The following ABL1 variants were observed in gnomAD, a reference collection of about 807,000 sequenced individuals.
ABL1 encodes the protein tyrosine-protein kinase ABL1.
ABL1 carries 11 observed loss-of-function variants against 94.7 expected under a neutral mutation model. The observed-to-expected ratio is 0.12, with a 90% CI of 0.07 to 0.19. ABL1 has a LOEUF of 0.19. ABL1 is among the 10% of genes least tolerant of loss of function. The pLI is 1.00. For synonymous variants in ABL1, 656 were observed against 622.4 expected (o/e 1.05, Z -0.80); for missense variants, 1,082 against 1,489.4 (o/e 0.73, Z 4.50).
intron 1 of ABL1, among the ~76,000 whole-genome samples, chr9:130,780,096 C>T (rs1008493777): frequency 6.6e-6 from 1 of 151,986 alleles, no homozygotes; most frequent in Admixed American, 6.6e-5. Flanking sequence ...CCAGCCTGGC[C>T]AAGATGGTGA....
intron 1 of ABL1, among the ~76,000 whole-genome samples, chr9:130,784,153 A>G (rs937434648): frequency 2.0e-5 from 3 of 152,230 alleles, no homozygotes; most frequent in Non-Finnish European, 4.4e-5. Context: ...CTTAAAAGCA[A>G]TATAATGCCA....
chr9:130,801,261 G>C (rs112949536), intron 1 of ABL1, among the ~76,000 whole-genome samples: 2 of 145,404 alleles, frequency 1.4e-5, no homozygotes, highest in African/African-American at 5.1e-5. Context: ...ATAGGATCTT[G>C]CTCAATCATG....
rs2133042668 is a variant in ABL1, at chr9:130,886,395, C to T, written c.*712C>T. ...AAAGGATCGAGGCATGGGGCATGTC[C>T]TTTCCATCTGTCCACATCCCCAGAG... On this transcript the variant is annotated 3_prime_UTR_variant, in exon 11 of 11. Transcript: ENST00000318560. The T allele has an allele frequency of 4.3e-6, 1 of 233,820 alleles. No individual in the cohort carries two copies. Among genetic ancestry groups the T allele is most frequent in the South Asian group, 1.8e-4 (1 of 5,534 alleles). The allele number at this position is 233,820 out of a possible 1,614,324, so 14.5% of individuals were successfully genotyped here.
chr9:130,865,352 T>G (rs1831137177), intron 4 of ABL1, among the ~76,000 whole-genome samples: 1 of 152,182 alleles, frequency 6.6e-6, no homozygotes, highest in Non-Finnish European at 1.5e-5. Flanking sequence ...CTAAATAAAT[T>G]AGCCCTCCTT....
chr9:130,811,145 TA>T (rs1830203376), intron 1 of ABL1, among the ~76,000 whole-genome samples: 3 of 150,914 alleles, frequency 2.0e-5, no homozygotes, highest in African/African-American at 7.3e-5. Flanking sequence ...AGATATGCAG[TA>T]CAAGAAATAT....
At chr9:130,781,223 T>C (rs1337018067) in intron 1 of ABL1, among the ~76,000 whole-genome samples, 1 of 152,234 alleles carries the variant, frequency 6.6e-6, no homozygotes, top group Non-Finnish European at 1.5e-5. Context: ...TTGAGTGGCG[T>C]ACCTTAAACA....
At chr9:130,718,151 G>C (rs1195527593) in intron 1 of ABL1, among the ~76,000 whole-genome samples, 2 of 151,010 alleles carry the variant, frequency 1.3e-5, no homozygotes, top group Non-Finnish European at 3.0e-5. Context: ...AACCCCGTCT[G>C]TACTAAAAAT....
rs887921046 is a variant in ABL1, at chr9:130,882,633, C to T, written c.1679-1336C>T. On this transcript the variant is annotated intron_variant, in intron 10 of 10. Coordinates refer to ENST00000318560, the MANE Select transcript of ABL1 (RefSeq NM_005157.6). ...CACTGCAACCTCCACCTCCTGGGTT[C>T]AAGCGATTCTCCTGCCTCATCCTCC... Among the ~76,000 whole-genome samples, 5 of 152,200 alleles carry T rather than the reference C, an allele frequency of 3.3e-5. No homozygotes were observed. The South Asian group carries it at 1.0e-3, about 32-fold the overall frequency.
chr9:130,750,233 A>C (rs190201519), intron 1 of ABL1, among the ~76,000 whole-genome samples: 1,927 of 136,922 alleles, frequency 0.014, 71 homozygotes, highest in African/African-American at 0.048. Flanking sequence ...ATATATATAT[A>C]TATCCAAGTA....
In ABL1 at chr9:130,771,384, GT is replaced by G. The variant is rs369453575; in HGVS notation, c.136+56937del. ...TTTATATTCTACATTTGTGCTTTAA[GT>G]TTTTTTTAGGGAAGTAGGGTCCTGT... On this transcript the variant is annotated intron_variant, in intron 1 of 10. Transcript: ENST00000372348. Among the ~76,000 whole-genome samples, 478 of 151,966 alleles carry G rather than the reference GT, an allele frequency of 3.1e-3. 1 individual carries two copies. The highest frequency in any genetic ancestry group is 0.011 in the African/African-American group (446 of 41,462).
At chr9:130,875,302 C>T (rs987943197) in intron 7 of ABL1, among the ~76,000 whole-genome samples, 6 of 152,088 alleles carry the variant, frequency 3.9e-5, no homozygotes, top group African/African-American at 1.4e-4. Flanking sequence ...CCACCACACC[C>T]AGCTAATTTT....
intron 1 of ABL1, among the ~76,000 whole-genome samples, chr9:130,790,744 G>T (rs963386781): frequency 6.6e-6 from 1 of 151,840 alleles, no homozygotes; most frequent in Non-Finnish European, 1.5e-5. Context: ...AAAGTGCTGG[G>T]ATTACAAGCA....
intron 1 of ABL1, among the ~76,000 whole-genome samples, chr9:130,765,097 G>A (rs1346209002): frequency 6.6e-6 from 1 of 152,012 alleles, no homozygotes; most frequent in Non-Finnish European, 1.5e-5. Context: ...TGATTTTTTT[G>A]TTGTTAAATA....
intron 1 of ABL1, among the ~76,000 whole-genome samples, chr9:130,742,905 A>G (rs1333125921): frequency 6.6e-6 from 1 of 152,166 alleles, no homozygotes; most frequent in Non-Finnish European, 1.5e-5. Flanking sequence ...GATGAAATAA[A>G]TTGCATTGTA....
chr9:130,878,290 T>A (rs1267769078), intron 7 of ABL1, 125 bp from the exon 8 acceptor site: 3 of 1,155,472 alleles, frequency 2.6e-6, no homozygotes, highest in Non-Finnish European at 3.7e-6. Flanking sequence ...TGGTAAAATG[T>A]CAGAGCCTGG....
upstream of ABL1, among the ~76,000 whole-genome samples, chr9:130,830,920 G>A (rs1830487852): frequency 6.6e-6 from 1 of 152,172 alleles, no homozygotes; most frequent in African/African-American, 2.4e-5. Flanking sequence ...TGACCAGCAG[G>A]TAGTGCTACC....
Position 130,872,494 on chromosome 9 carries a change from A to G in ABL1, c.907+281A>G, listed in dbSNP as rs35979583. Among the ~76,000 whole-genome samples the G allele has an allele frequency of 7.5e-4, 115 of 152,320 alleles. No individual in the cohort carries two copies. The highest frequency in any genetic ancestry group is 1.3e-3 in the Admixed American group (20 of 15,300). On this transcript the variant is annotated intron_variant, in intron 5 of 10. Coordinates refer to ENST00000318560, the MANE Select transcript of ABL1 (RefSeq NM_005157.6). The surrounding 1 kb of genome is among the most constrained non-coding windows in gnomAD (Gnocchi z 5.0). ...TGAAATTAGTTTCTGAAACTTGGGCATTTTCCAGAGTTTTCTCACTGAAGT... is the reference window on the plus strand; with the variant it reads ...TGAAATTAGTTTCTGAAACTTGGGCGTTTTCCAGAGTTTTCTCACTGAAGT...
intron 1 of ABL1, among the ~76,000 whole-genome samples, chr9:130,806,943 G>A (rs968562096): frequency 3.9e-4 from 60 of 152,166 alleles, no homozygotes; most frequent in African/African-American, 1.4e-3. Context: ...GAGGTCAGGA[G>A]TCCGAGACTA....
chr9:130,732,777 G>GTT (rs35211032), intron 1 of ABL1, among the ~76,000 whole-genome samples: 1 of 146,564 alleles, frequency 6.8e-6, no homozygotes, highest in Admixed American at 6.8e-5. Flanking sequence ...TAGGCACAGT[G>GTT]TTTTTTTTTT....
Sources: allele counts gnomAD v4.1 joint callset (sites outside exome capture counted in the v4.1 genomes callset), GRCh38; gene constraint gnomAD v4.1.1; non-coding constraint Gnocchi (gnomAD v3.1); transcripts MANE v1.5; gene names NCBI Gene and HGNC (gene_info 2026-07-23, HGNC 2026-07-21).